DENND1A: variants seen among roughly 807,000 people sequenced by gnomAD.
The protein encoded by DENND1A is DENN domain-containing protein 1A.
In DENND1A, 51 loss-of-function variants were observed where a neutral mutation model predicts 113.7. The ratio of observed to expected loss-of-function variants is 0.45; its 90% CI spans 0.36 to 0.57. DENND1A has a LOEUF of 0.57. Among genes scored for constraint, DENND1A ranks in the 20% least tolerant of loss-of-function variants. The probability of loss-of-function intolerance (pLI) is 0.00; values close to 1 mark genes in which losing one functional copy is unlikely to be tolerated. For synonymous variants in DENND1A, 565 were observed against 570.8 expected (o/e 0.99, Z 0.14); for missense variants, 1,258 against 1,395.9 (o/e 0.90, Z 1.57).
At chr9:123,458,986 A>AAAC (rs1564527595) in intron 13 of DENND1A, among the ~76,000 whole-genome samples, 8 of 151,908 alleles carry the variant, frequency 5.3e-5, no homozygotes, top group Non-Finnish European at 8.8e-5. Context: ...AACAAACAAA[A>AAAC]AAACAAAACA....
intron 13 of DENND1A, among the ~76,000 whole-genome samples, chr9:123,536,648 G>C (rs2055802917): frequency 6.6e-6 from 1 of 152,012 alleles, no homozygotes; most frequent in African/African-American, 2.4e-5. Context: ...CAAATGCTAG[G>C]AGTTCCTAGG....
intron 2 of DENND1A, among the ~76,000 whole-genome samples, chr9:123,870,917 C>T (rs1348017609): frequency 1.3e-5 from 2 of 151,980 alleles, no homozygotes; most frequent in East Asian, 3.9e-4. Context: ...GTTAGCTATT[C>T]TATTGCCATT....
At chr9:123,628,778 A>G (rs1248219133) in intron 10 of DENND1A, among the ~76,000 whole-genome samples, 2 of 152,236 alleles carry the variant, frequency 1.3e-5, no homozygotes, top group Non-Finnish European at 2.9e-5. Flanking sequence ...TGTGGGGTTC[A>G]GCCATTGATG....
At chr9:123,633,364 T>G (rs2061564503) in intron 9 of DENND1A, among the ~76,000 whole-genome samples, 1 of 152,154 alleles carries the variant, frequency 6.6e-6, no homozygotes, top group South Asian at 2.1e-4. Context: ...CCTGAATAAA[T>G]AAAATATGAT....
intron 13 of DENND1A, among the ~76,000 whole-genome samples, chr9:123,556,978 G>T (rs2057453782): frequency 6.6e-6 from 1 of 152,308 alleles, no homozygotes; most frequent in Admixed American, 6.5e-5. Flanking sequence ...GCCCAGAAAG[G>T]GGGAAGGGCC....
chr9:123,811,453 A>G (rs1455089976), intron 2 of DENND1A, among the ~76,000 whole-genome samples: 3 of 152,260 alleles, frequency 2.0e-5, no homozygotes, highest in Non-Finnish European at 2.9e-5. Context: ...TAATCCACCA[A>G]TTTCACTTAC....
At chr9:123,436,840 T>C (rs2046557348) in intron 19 of DENND1A, among the ~76,000 whole-genome samples, 1 of 152,048 alleles carries the variant, frequency 6.6e-6, no homozygotes, top group Non-Finnish European at 1.5e-5. Context: ...CTCTGCATCC[T>C]GGGTTCAAGC....
intron 1 of DENND1A, among the ~76,000 whole-genome samples, chr9:123,896,230 T>C (rs1850734992): frequency 6.6e-6 from 1 of 152,020 alleles, no homozygotes; most frequent in African/African-American, 2.4e-5. Context: ...GATGTTAGCT[T>C]GAGCCCAGGA....
chr9:123,894,979 T>TATGA (rs1387718525), intron 1 of DENND1A, among the ~76,000 whole-genome samples: 2 of 151,698 alleles, frequency 1.3e-5, no homozygotes, highest in African/African-American at 2.4e-5. Flanking sequence ...AGTACAGAGG[T>TATGA]ATGAATGCTC....
At chr9:123,644,290 T>C (rs1306988288) in intron 9 of DENND1A, among the ~76,000 whole-genome samples, 2 of 136,604 alleles carry the variant, frequency 1.5e-5, no homozygotes, top group African/African-American at 2.7e-5. Flanking sequence ...GGCTCCCATA[T>C]AAAGTACTGA....
chr9:123,820,638 C>T (rs972113545), intron 2 of DENND1A, among the ~76,000 whole-genome samples: 1 of 152,154 alleles, frequency 6.6e-6, no homozygotes, highest in Non-Finnish European at 1.5e-5. Context: ...TGTGTTAAGT[C>T]ACTGAGTTTT....
chr9:123,418,498 C>T (rs1313089538), intron 19 of DENND1A, among the ~76,000 whole-genome samples: 1 of 152,214 alleles, frequency 6.6e-6, no homozygotes, highest in Non-Finnish European at 1.5e-5. Flanking sequence ...GTTGGAATAG[C>T]AACTTAATTA....
intron 13 of DENND1A, among the ~76,000 whole-genome samples, chr9:123,486,051 T>G (rs1441747704): frequency 1.3e-5 from 2 of 152,110 alleles, no homozygotes; most frequent in African/African-American, 4.8e-5. Context: ...GTGGGGTGCA[T>G]GGGAGCAGGT....
At chr9:123,552,794 T>C (rs1001438142) in intron 13 of DENND1A, among the ~76,000 whole-genome samples, 10 of 152,242 alleles carry the variant, frequency 6.6e-5, no homozygotes, top group Middle Eastern at 3.2e-3. Context: ...GCTCACCAGC[T>C]TTCTCTCACA....
chr9:123,702,043 A>G (rs1049248342), intron 5 of DENND1A, among the ~76,000 whole-genome samples: 2 of 152,232 alleles, frequency 1.3e-5, no homozygotes, highest in Non-Finnish European at 2.9e-5. Flanking sequence ...GGTGCTCAAT[A>G]AACAATTCAA....
chr9:123,881,846 G>C (rs1039591474), intron 1 of DENND1A, among the ~76,000 whole-genome samples: 2 of 152,110 alleles, frequency 1.3e-5, no homozygotes, highest in South Asian at 2.1e-4. Flanking sequence ...ACTTGGTCAA[G>C]GTAACCACAG....
chr9:123,605,062 C>T (rs921161927), intron 11 of DENND1A, among the ~76,000 whole-genome samples: 4 of 152,056 alleles, frequency 2.6e-5, no homozygotes, highest in Admixed American at 2.0e-4. Context: ...ATTACCTTGC[C>T]CACGATCAAG....
At position 123,426,474 on chromosome 9, in the gene DENND1A, C is replaced by T. The variant is rs539919399; in HGVS notation, c.1488+13886G>A. On this transcript the variant is annotated intron_variant, in intron 19 of 23. Transcript: ENST00000394215. Reference sequence around the variant, plus strand: ...GCTAGAAACAGAAACCTGGAGCTCCCAGAACAAAGGTGGTGCTAGAAACCA... The same window carrying T: ...GCTAGAAACAGAAACCTGGAGCTCCTAGAACAAAGGTGGTGCTAGAAACCA... 4.6e-5 allele frequency among the ~76,000 whole-genome samples: 7 copies of T among 152,236 alleles called. 1 individual carries two copies. The South Asian group carries it at 1.5e-3, about 32-fold the overall frequency.
At chr9:123,901,808 T>C (rs960500238) in intron 1 of DENND1A, among the ~76,000 whole-genome samples, 4 of 151,912 alleles carry the variant, frequency 2.6e-5, no homozygotes, top group Non-Finnish European at 4.4e-5. Context: ...ATCGAGACCA[T>C]CCTGGCTAAC....
Sources: gnomAD v4.1 joint callset for allele counts (sites outside exome capture counted in the v4.1 genomes callset) on GRCh38, gnomAD v4.1.1 for gene constraint, MANE v1.5 for transcripts, NCBI Gene and HGNC (gene_info 2026-07-23, HGNC 2026-07-21) for gene names.